The following SLC2A11 variants were observed in gnomAD, a reference collection of about 807,000 sequenced individuals.
SLC2A11 encodes solute carrier family 2 member 11, also known as solute carrier family 2, facilitated glucose transporter member 11.
In SLC2A11, 43 loss-of-function variants were observed where a neutral mutation model predicts 52.1. That is an observed-to-expected ratio of 0.82 (90% CI 0.65 to 1.06). The LOEUF is 1.06. SLC2A11 is among the 50% of genes least tolerant of loss of function. SLC2A11 has a pLI of 0.00. For synonymous variants in SLC2A11, 261 were observed against 277.6 expected (o/e 0.94, Z 0.59); for missense variants, 582 against 654.2 (o/e 0.89, Z 1.20).
intron 2 of SLC2A11, chr22:23,868,242 G>A: frequency 1.8e-6 from 1 of 548,578 alleles, no homozygotes; most frequent in Non-Finnish European, 3.2e-6. Flanking sequence ...GGGGCAAATG[G>A]AGCGAGTCCA....
intron 3 of SLC2A11, among the ~76,000 whole-genome samples, chr22:23,873,973 A>G (rs2032538494): frequency 6.6e-6 from 1 of 152,174 alleles, no homozygotes. Flanking sequence ...ACAGTGAGCT[A>G]TATGATCACA....
At chr22:23,878,736 C>G (rs140488406) in intron 6 of SLC2A11, among the ~76,000 whole-genome samples, 1 of 152,304 alleles carries the variant, frequency 6.6e-6, no homozygotes, top group African/African-American at 2.4e-5. Context: ...TTACTTATGT[C>G]TCTCCTCTGT....
upstream of SLC2A11, chr22:23,857,812 G>C: frequency 6.8e-7 from 1 of 1,465,590 alleles, no homozygotes; most frequent in East Asian, 2.5e-5. Flanking sequence ...CACTGCGCTT[G>C]CGCTACAGCT....
chr22:23,884,987 C>T lies in SLC2A11; in HGVS notation c.*138C>T, dbSNP rs1006668876. The T allele has an allele frequency of 2.1e-5, 14 of 677,494 alleles. No homozygotes were observed. The East Asian group carries it at 2.8e-4, about 13-fold the overall frequency. 42.0% of individuals were successfully genotyped at this position (677,494 alleles called of 1,614,324 possible). On this transcript the variant is annotated 3_prime_UTR_variant, in exon 12 of 12. Coordinates refer to ENST00000316185, the MANE Select transcript of SLC2A11 (RefSeq NM_001024939.4). The surrounding 1 kb of genome is among the most constrained non-coding windows in gnomAD (Gnocchi z 4.3). The stretch of plus-strand genomic sequence containing the variant: ...CACCCTTTGTGTGCAGACATGGCTC[C>T]AGGTGCTTAGCAATCAATGGTGAGC...
At position 23,884,912 on chromosome 22, in the gene SLC2A11, C is replaced by A. The variant is rs1182637951; in HGVS notation, c.*63C>A. On this transcript the variant is annotated 3_prime_UTR_variant, in exon 12 of 12. Coordinates refer to ENST00000316185, the MANE Select transcript of SLC2A11 (RefSeq NM_001024939.4). This position sits in a 1 kb window ranked among gnomAD's most constrained non-coding sequence, Gnocchi z 4.3. ...CCTGTCCTCTGCTTCCTGCCAGGGC[C>A]CTGGTCCTCACTCCCTCCTGCATTC... 2 of 1,417,136 alleles carry A rather than the reference C, an allele frequency of 1.4e-6. No homozygotes were observed. The highest frequency in any genetic ancestry group is 1.2e-5 in the South Asian group (1 of 81,808). The allele number at this position is 1,417,136 out of a possible 1,614,324, so 87.8% of individuals were successfully genotyped here.
intron 3 of SLC2A11, 94 bp from the exon 4 acceptor site, chr22:23,875,023 T>G: frequency 1.5e-6 from 2 of 1,350,904 alleles, no homozygotes; most frequent in Non-Finnish European, 1.9e-6. Flanking sequence ...TGTGTCTAAT[T>G]AAGGCTTGTT....
At chr22:23,873,332 C>CTGTGTGTGTGTGTGTGT (rs1568990971) in intron 3 of SLC2A11, 24 of 143,728 alleles carry the variant, frequency 1.7e-4, no homozygotes, top group African/African-American at 6.1e-4. Flanking sequence ...TGTGTGTGCA[C>CTGTGTGTGTGTGTGTGT]GCGTGTGTGT....
Position 23,884,793 on chromosome 22 carries a change from C to A in SLC2A11, c.1444C>A (p.Arg482=). ...KELHRLNFPR[R]AQGPTWRSLE... ...ATTACACAGACTCAACTTCCCCAGG[C>A]GGGCCCAGGGCCCCACGTGGAGGAG... Residue 482 remains arginine, a synonymous_variant, in exon 12 of 12, where the codon CGG becomes AGG. Transcript: ENST00000316185. This position sits in a 1 kb window ranked among gnomAD's most constrained non-coding sequence, Gnocchi z 4.3. 6.2e-7 allele frequency: 1 copy of A among 1,614,190 alleles called. No individual in the cohort carries two copies. The highest frequency in any genetic ancestry group is 2.2e-5 in the East Asian group (1 of 44,880).
rs376716633 is a variant in SLC2A11 at position 23,882,666 on chromosome 22, G to A, written c.882+20G>A. On this transcript the variant is annotated intron_variant, in intron 7 of 11. Coordinates refer to ENST00000316185, the MANE Select transcript of SLC2A11 (RefSeq NM_001024939.4). ...GACTCGGTGAGACCCCTGCCCCGCC[G>A]CACACCCTGGGCCCCGGGGGCTTGG... 4.4e-6 allele frequency: 7 copies of A among 1,607,020 alleles called. No individual in the cohort carries two copies. The highest frequency in any genetic ancestry group is 3.4e-5 in the Admixed American group (2 of 59,442).
rs143304039 is a variant in SLC2A11, at chr22:23,884,242, C to T, written c.1172-60C>T. The T allele has an allele frequency of 4.9e-4, 762 of 1,567,198 alleles. 2 individuals carry two copies. The African/African-American group carries it at 4.9e-3, about 10-fold the overall frequency. On this transcript the variant is annotated intron_variant, in intron 10 of 11. Transcript: ENST00000316185. This position sits in a 1 kb window ranked among gnomAD's most constrained non-coding sequence, Gnocchi z 4.3. ...CCCACTCCCATGTCTGGGCTGGGGT[C>T]GGGGAGAGGCAGGCAGGGAACCCTG...
At chr22:23,857,136 G>A (rs1244237193), upstream of SLC2A11, 13 of 1,188,006 alleles carry the variant, frequency 1.1e-5, no homozygotes, top group African/African-American at 4.6e-5. Flanking sequence ...TGGCCCTCCG[G>A]AGAACGCCCA....
At chr22:23,875,366 C>T (rs1477561047) in intron 4 of SLC2A11, 125 bp downstream of exon 4, 13 of 1,122,238 alleles carry the variant, frequency 1.2e-5, no homozygotes, top group South Asian at 1.0e-4. Flanking sequence ...TTTATTTATG[C>T]CTACCTTTGT....
chr22:23,862,141 C>T lies in SLC2A11; in HGVS notation c.68C>T (p.Ala23Val), dbSNP rs138480653. The T allele has an allele frequency of 4.3e-6, 7 of 1,614,106 alleles. No individual in the cohort carries two copies. Among genetic ancestry groups the T allele is most frequent in the Non-Finnish European group, 5.1e-6 (6 of 1,180,036 alleles). ...GRILLLTICAAGIGGTFQFGY... is the reference protein window; with the variant it reads ...GRILLLTICAVGIGGTFQFGY... ...ATCCTGCTCCTGACCATCTGCGCTGCCGGCATTGGTGGGACTTTTCAGTTT... is the reference window on the plus strand; with the variant it reads ...ATCCTGCTCCTGACCATCTGCGCTGTCGGCATTGGTGGGACTTTTCAGTTT... The change falls in exon 2 of 12, where the codon GCC (alanine) becomes GTC (valine). Residue 23 changes from alanine to valine, a missense_variant. Coordinates refer to ENST00000316185, the MANE Select transcript of SLC2A11 (RefSeq NM_001024939.4).
intron 1 of SLC2A11, among the ~76,000 whole-genome samples, chr22:23,860,206 A>G (rs1285258760): frequency 6.6e-6 from 1 of 151,920 alleles, no homozygotes; most frequent in African/African-American, 2.4e-5. Flanking sequence ...GTATCGCTTG[A>G]GCTCAGGAGT....
At position 23,877,795 on chromosome 22, in the gene SLC2A11, C is replaced by G. The variant is rs894202392; in HGVS notation, c.620C>G (p.Ala207Gly). ...CTGGTGCCCGGGGCGCTCCAGCTCG[C>G]CTCCCTGCCTCTGCTCCCTGAAAGC... is the stretch of plus-strand genomic sequence containing the variant. ...SCLVPGALQL[A>G]SLPLLPESPR... The change falls in exon 6 of 12, where the codon GCC becomes GGC. Residue 207 changes from alanine to glycine, a missense_variant. Physicochemically the swap from Ala to Gly is moderately conservative, Grantham distance 60 (BLOSUM62 0). Coordinates refer to ENST00000316185, the MANE Select transcript of SLC2A11 (RefSeq NM_001024939.4). 5.0e-6 allele frequency: 8 copies of G among 1,611,584 alleles called. No homozygotes were observed. In the Admixed American group the frequency reaches 6.7e-5, roughly 13 times the overall value.
intron 6 of SLC2A11, among the ~76,000 whole-genome samples, chr22:23,878,556 G>A (rs1387005643): frequency 6.6e-6 from 1 of 152,160 alleles, no homozygotes; most frequent in East Asian, 1.9e-4. Flanking sequence ...GTTCCCTCGT[G>A]CCATTAACAT....
intron 5 of SLC2A11, 48 bp downstream of exon 5, chr22:23,877,219 A>G: frequency 6.3e-7 from 1 of 1,576,498 alleles, no homozygotes; most frequent in Non-Finnish European, 8.6e-7. Flanking sequence ...AGATACCAGT[A>G]AAAGCGTTTC....
At chr22:23,860,313 C>CT (rs1378187783) in intron 1 of SLC2A11, among the ~76,000 whole-genome samples, 1 of 152,088 alleles carries the variant, frequency 6.6e-6, no homozygotes, top group Non-Finnish European at 1.5e-5. Context: ...ACTTGGGGGG[C>CT]TGAGGTGGGA....
chr22:23,877,669 G>A, intron 5 of SLC2A11, 52 bp from the exon 6 acceptor site: 3 of 1,514,784 alleles, frequency 2.0e-6, no homozygotes, highest in Non-Finnish European at 8.8e-7. Flanking sequence ...GAGCAGGGTG[G>A]TAGGACTCTG....
Sources: gnomAD v4.1 joint callset for allele counts (sites outside exome capture counted in the v4.1 genomes callset) on GRCh38, gnomAD v4.1.1 for gene constraint, Gnocchi (gnomAD v3.1) non-coding constraint, MANE v1.5 for transcripts, NCBI Gene and HGNC (gene_info 2026-07-23, HGNC 2026-07-21) for gene names.